Variants in ZFYVE26 observed in about 807,000 individuals in gnomAD.
ZFYVE26 encodes the protein zinc finger FYVE domain-containing protein 26.
A neutral mutation model predicts 276.5 loss-of-function variants in ZFYVE26; 181 were observed. That is an observed-to-expected ratio of 0.65 (90% CI 0.58 to 0.74). The LOEUF (loss-of-function observed/expected upper bound fraction) is 0.74. ZFYVE26 is among the 30% of genes least tolerant of loss of function. The probability of loss-of-function intolerance (pLI) is 0.00; values close to 1 mark genes in which losing one functional copy is unlikely to be tolerated. For missense variants in ZFYVE26, 2,821 were observed against 3,097.9 expected (o/e 0.91, Z 2.12); for synonymous variants, 1,129 against 1,203.1 (o/e 0.94, Z 1.27).
At chr14:67,729,469 T>C (rs1350481530) in exon 14 of ZFYVE26, 6 of 1,327,718 alleles carry the variant, frequency 4.5e-6, no homozygotes, top group Non-Finnish European at 6.4e-6. Flanking sequence ...AAGCTGAGTT[T>C]GTGCCTGATG....
Position 67,815,928 on chromosome 14 carries a change from C to CA in ZFYVE26, c.35_36insT (p.Gln13AlafsTer91). ...AGAAAAATCCAAAAAGCTGCTTCTG[C>CA]GAAGCAGCTTCCTCTTTTCCAAATG... On this transcript the variant is annotated frameshift_variant, in exon 2 of 42. Transcript: ENST00000347230. LOFTEE classifies it high-confidence loss of function. 1 of 1,613,186 alleles carries CA rather than the reference C, an allele frequency of 6.2e-7. No homozygotes were observed. The highest frequency in any genetic ancestry group is 8.5e-7 in the Non-Finnish European group (1 of 1,179,746).
downstream of ZFYVE26, among the ~76,000 whole-genome samples, chr14:67,744,373 T>G (rs2038455295): frequency 6.6e-6 from 1 of 152,304 alleles, no homozygotes; most frequent in Non-Finnish European, 1.5e-5. Context: ...CTGTTGTTTG[T>G]TTTTAGATCT....
intron 28 of ZFYVE26, 127 bp from the exon 29 acceptor site, chr14:67,769,857 C>G (rs1034220541): frequency 2.3e-6 from 3 of 1,330,368 alleles, no homozygotes; most frequent in Non-Finnish European, 3.2e-6. Context: ...GCTTGGGTCT[C>G]TATTGGAAAA....
chr14:67,744,174 C>G (rs1343695560), downstream of ZFYVE26, among the ~76,000 whole-genome samples: 1 of 152,146 alleles, frequency 6.6e-6, no homozygotes, highest in Non-Finnish European at 1.5e-5. Flanking sequence ...TTCAAAGAGT[C>G]TAATAGCCTT....
At chr14:67,738,070 A>G (rs2038372181) in intron 13 of ZFYVE26, among the ~76,000 whole-genome samples, 1 of 152,086 alleles carries the variant, frequency 6.6e-6, no homozygotes, top group Non-Finnish European at 1.5e-5. Flanking sequence ...CACATTGTCA[A>G]AAATTTGAAA....
In ZFYVE26 at chr14:67,784,437, C is replaced by G. The variant is rs2140225441; in HGVS notation, c.3524-1G>C. Reference sequence around the variant, plus strand: ...TTTCCTACCTTGACCTCCACATGATCTGCAAAGGTAAAGAACATGATCTTT... The same window carrying G: ...TTTCCTACCTTGACCTCCACATGATGTGCAAAGGTAAAGAACATGATCTTT... On this transcript the variant is annotated splice_acceptor_variant, in intron 19 of 41. Transcript: ENST00000347230. LOFTEE classifies it high-confidence loss of function. The G allele has an allele frequency of 2.5e-6, 4 of 1,613,834 alleles. No individual in the cohort carries two copies. The highest frequency in any genetic ancestry group is 3.4e-6 in the Non-Finnish European group (4 of 1,179,678).
In ZFYVE26 at chr14:67,772,167, G is replaced by T; in HGVS notation, c.5364C>A (p.Phe1788Leu). The change falls in exon 28 of 42, where the codon TTC becomes TTA. Residue 1788 changes from phenylalanine (F) to leucine (L), a missense_variant. By Grantham distance (22) the Phe-to-Leu change is conservative. Coordinates refer to ENST00000347230, the MANE Select transcript of ZFYVE26 (RefSeq NM_015346.4). Reference protein sequence around the residue: ...IHSPSLRERSFPPTQPSQEFV... With the variant: ...IHSPSLRERSLPPTQPSQEFV... ...ATTCCTGTGAGGGCTGGGTTGGTGGGAAACTCCTTTCCCTTAGACTAGGGG... is the reference window on the plus strand; with the variant it reads ...ATTCCTGTGAGGGCTGGGTTGGTGGTAAACTCCTTTCCCTTAGACTAGGGG... 6.2e-7 allele frequency: 1 copy of T among 1,613,254 alleles called. No individual in the cohort carries two copies. The highest frequency in any genetic ancestry group is 1.1e-5 in the South Asian group (1 of 90,840).
At position 67,807,760 on chromosome 14, in the gene ZFYVE26, A is replaced by G. The variant is rs1285170059; in HGVS notation, c.524T>C (p.Leu175Pro). ...PQPAQALLEL[L>P]LEEDDGTGLC... ...GCCAGTACCGTCATCCTCCTCAAGCAGGAGCTCCAGCAGGGCCTGTGCTGG... is the reference window on the plus strand; with the variant it reads ...GCCAGTACCGTCATCCTCCTCAAGCGGGAGCTCCAGCAGGGCCTGTGCTGG... Residue 175 changes from leucine (L) to proline (P), a missense_variant, in exon 5 of 42, where the codon CTG becomes CCG. Leu to Pro is a moderately conservative substitution (Grantham distance 98). Transcript: ENST00000347230. 1 of 1,614,092 alleles carries G rather than the reference A, an allele frequency of 6.2e-7. No homozygotes were observed. The highest frequency in any genetic ancestry group is 8.5e-7 in the Non-Finnish European group (1 of 1,180,042).
chr14:67,759,322 G>A (rs571601150), intron 35 of ZFYVE26, among the ~76,000 whole-genome samples: 3 of 148,412 alleles, frequency 2.0e-5, no homozygotes, highest in Admixed American at 6.8e-5. Context: ...ATAAAGATTC[G>A]TGGAAATAAG....
chr14:67,793,540 T>G, intron 14 of ZFYVE26, 68 bp downstream of exon 14: 1 of 1,564,226 alleles, frequency 6.4e-7, no homozygotes, highest in Non-Finnish European at 8.7e-7. Context: ...TGGCTCTGGT[T>G]GTACATGCTC....
intron 4 of ZFYVE26, 107 bp downstream of exon 4, chr14:67,809,093 C>T: frequency 1.0e-6 from 1 of 991,006 alleles, no homozygotes; most frequent in Middle Eastern, 2.1e-4. Flanking sequence ...TGCCTGAGAA[C>T]AAAGTATGGG....
intron 35 of ZFYVE26, 124 bp from the exon 36 acceptor site, chr14:67,756,269 C>A: frequency 1.0e-6 from 1 of 978,358 alleles, no homozygotes; most frequent in Non-Finnish European, 1.6e-6. Context: ...GCTTCTTAAT[C>A]TTTTATGTGT....
chr14:67,749,385 C>T (rs1480253762), intron 41 of ZFYVE26, among the ~76,000 whole-genome samples: 2 of 152,098 alleles, frequency 1.3e-5, no homozygotes, highest in Non-Finnish European at 2.9e-5. Context: ...GCAGGATATG[C>T]GTATGTGTCT....
At chr14:67,800,934 T>TA (rs1281467623) in intron 10 of ZFYVE26, among the ~76,000 whole-genome samples, 1 of 148,920 alleles carries the variant, frequency 6.7e-6, no homozygotes, top group Non-Finnish European at 1.5e-5. Context: ...TATAAATAAA[T>TA]AAATAAATAA....
chr14:67,733,010 T>C (rs1181621671), intron 13 of ZFYVE26, among the ~76,000 whole-genome samples: 1 of 152,042 alleles, frequency 6.6e-6, no homozygotes, highest in Non-Finnish European at 1.5e-5. Context: ...TTAGGAGATA[T>C]ACCTAATGCT....
Position 67,752,121 on chromosome 14 carries a change from C to G in ZFYVE26, c.7371+223G>C, listed in dbSNP as rs114903730. Among the ~76,000 whole-genome samples, 2,310 of 152,260 alleles carry G rather than the reference C, an allele frequency of 0.015. 42 individuals carry two copies. The highest frequency in any genetic ancestry group is 0.044 in the African/African-American group (1,807 of 41,540). ...ACATCCAGGTGCAAACAAATTTACA[C>G]AATGGGATGTTGAGGGTCACCTTCT... On this transcript the variant is annotated intron_variant, in intron 40 of 41. Transcript: ENST00000347230.
At position 67,780,222 on chromosome 14, in the gene ZFYVE26, C is replaced by T; in HGVS notation, c.4674+19G>A. On this transcript the variant is annotated intron_variant, in intron 23 of 41. Transcript: ENST00000347230. ...TCTGAAAGGAGGATGAAGGGGAACA[C>T]CACCCAGGAAAACGGTACCTGTGCT... is the stretch of plus-strand genomic sequence containing the variant. 6.2e-7 allele frequency: 1 copy of T among 1,609,348 alleles called. No individual in the cohort carries two copies. The highest frequency in any genetic ancestry group is 1.3e-5 in the African/African-American group (1 of 74,916).
chr14:67,762,076 T>C, intron 34 of ZFYVE26, 127 bp downstream of exon 34: 2 of 1,178,506 alleles, frequency 1.7e-6, no homozygotes. Flanking sequence ...AAAAAAAATT[T>C]TTAACCTGCT....
At chr14:67,804,968 T>C (rs1201202374) in intron 8 of ZFYVE26, among the ~76,000 whole-genome samples, 1 of 152,244 alleles carries the variant, frequency 6.6e-6, no homozygotes, top group Non-Finnish European at 1.5e-5. Flanking sequence ...GCACTGGAAA[T>C]GCGAGCTATT....
Sources: allele counts gnomAD v4.1 joint callset (sites outside exome capture counted in the v4.1 genomes callset), GRCh38; gene constraint gnomAD v4.1.1; transcripts MANE v1.5; gene names NCBI Gene and HGNC (gene_info 2026-07-23, HGNC 2026-07-21).